HPCA: variants seen among roughly 807,000 people sequenced by gnomAD.
The protein encoded by HPCA is neuron-specific calcium-binding protein hippocalcin.
In HPCA, 4 loss-of-function variants were observed where a neutral mutation model predicts 18.2. The ratio of observed to expected loss-of-function variants is 0.22; its 90% CI spans 0.11 to 0.50. The LOEUF (loss-of-function observed/expected upper bound fraction) is 0.50, where lower values mean the gene tolerates loss of function less well. Among genes scored for constraint, HPCA ranks in the 20% least tolerant of loss-of-function variants. The pLI is 0.97. For missense variants in HPCA, 161 were observed against 265.8 expected (o/e 0.61, Z 2.74); for synonymous variants, 93 against 103.5 (o/e 0.90, Z 0.61).
rs1641518610 is a variant in HPCA at position 32,893,991 on chromosome 1, G to T, written c.*129G>T. The T allele has an allele frequency of 7.0e-6, 5 of 710,046 alleles. No homozygotes were observed. Among genetic ancestry groups the T allele is most frequent in the Non-Finnish European group, 1.2e-5 (5 of 431,986 alleles). 44.0% of individuals were successfully genotyped at this position (710,046 alleles called of 1,614,324 possible). ...CCTTCTCCCCGGGTCTGCCCTGTGG[G>T]GGGCTTCCGGAAAAGGGAACCCTGC... On this transcript the variant is annotated 3_prime_UTR_variant, in exon 4 of 4. Coordinates refer to ENST00000373467, the MANE Select transcript of HPCA (RefSeq NM_002143.3). This position sits in a 1 kb window ranked among gnomAD's most constrained non-coding sequence, Gnocchi z 7.5.
Position 32,894,569 on chromosome 1 carries a change from C to A in HPCA, c.*707C>A. 2.0e-5 allele frequency: 9 copies of A among 442,376 alleles called. No homozygotes were observed. The highest frequency in any genetic ancestry group is 3.7e-5 in the South Asian group (1 of 26,874). 27.4% of individuals were successfully genotyped at this position (442,376 alleles called of 1,614,324 possible). A position where few individuals can be genotyped will look rare whatever the true frequency, so the allele number is the denominator to read the frequency against. ...CCTGTCCTCCCCTCTGTCCCCCCAACCGCCCCCCCTGCATGCAGCCAAATG... is the reference window on the plus strand; with the variant it reads ...CCTGTCCTCCCCTCTGTCCCCCCAAACGCCCCCCCTGCATGCAGCCAAATG... On this transcript the variant is annotated 3_prime_UTR_variant, in exon 4 of 4. Coordinates refer to ENST00000373467, the MANE Select transcript of HPCA (RefSeq NM_002143.3).
In HPCA at chr1:32,892,175, GA is replaced by G. The variant is rs551666773; in HGVS notation, c.379-1348del. Reference sequence around the variant, plus strand: ...TCACCCAGCCAGGGGAGACCTGATGGAGGAGGGTCAGCAGTGGACAGATTGT... The same window carrying G: ...TCACCCAGCCAGGGGAGACCTGATGGGGAGGGTCAGCAGTGGACAGATTGT... On this transcript the variant is annotated intron_variant, in intron 2 of 3. Coordinates refer to ENST00000373467, the MANE Select transcript of HPCA (RefSeq NM_002143.3). 9.8e-5 allele frequency among the ~76,000 whole-genome samples: 15 copies of G among 152,334 alleles called. No individual in the cohort carries two copies. In the South Asian group the frequency reaches 2.7e-3, roughly 27 times the overall value.
chr1:32,889,047 A>G lies in HPCA; in HGVS notation c.149A>G (p.Lys50Arg). Residue 50 changes from lysine (K) to arginine (R), a missense_variant, in exon 2 of 4, where the codon AAG becomes AGG. Physicochemically the swap from Lys to Arg is conservative, Grantham distance 26 (BLOSUM62 2). Transcript: ENST00000373467. This position sits in a 1 kb window ranked among gnomAD's most constrained non-coding sequence, Gnocchi z 4.6. ...TGILNVDEFKKIYANFFPYGD... is the reference protein window; with the variant it reads ...TGILNVDEFKRIYANFFPYGD... The stretch of plus-strand genomic sequence containing the variant: ...ATCCTCAATGTGGATGAGTTCAAGA[A>G]GATCTACGCCAACTTCTTTCCCTAT... The G allele has an allele frequency of 6.2e-7, 1 of 1,614,224 alleles. No individual in the cohort carries two copies. The highest frequency in any genetic ancestry group is 8.5e-7 in the Non-Finnish European group (1 of 1,180,042).
rs971017062 is a variant in HPCA at position 32,889,161 on chromosome 1, C to T, written c.263C>T (p.Ala88Val). 3 of 1,614,146 alleles carry T rather than the reference C, an allele frequency of 1.9e-6. No homozygotes were observed. The highest frequency in any genetic ancestry group is 1.3e-5 in the African/African-American group (1 of 74,952). ...GTIDFREFII[A>V]LSVTSRGRLE... ...ATAGACTTTCGGGAGTTCATCATTG[C>T]GCTGAGCGTGACCTCGCGCGGCCGC... Residue 88 changes from alanine (A) to valine (V), a missense_variant, in exon 2 of 4, where the codon GCG (alanine) becomes GTG (valine). Coordinates refer to ENST00000373467, the MANE Select transcript of HPCA (RefSeq NM_002143.3). The surrounding 1 kb of genome is among the most constrained non-coding windows in gnomAD (Gnocchi z 4.6).
At chr1:32,888,767 C>A in intron 1 of HPCA, 111 bp from the exon 2 acceptor site, 2 of 1,038,124 alleles carry the variant, frequency 1.9e-6, no homozygotes, top group Non-Finnish European at 2.8e-6. Context: ...TTTCACTGGG[C>A]CAAACAAGAG....
intron 2 of HPCA, among the ~76,000 whole-genome samples, chr1:32,890,891 C>T (rs1570019792): frequency 6.6e-6 from 1 of 152,348 alleles, no homozygotes; most frequent in East Asian, 1.9e-4. Context: ...GCCATGGACT[C>T]CTGTGAGCCA....
Position 32,889,003 on chromosome 1 carries a change from C to T in HPCA, c.105C>T (p.Leu35=), listed in dbSNP as rs1000758361. 1.1e-5 allele frequency: 17 copies of T among 1,614,082 alleles called. No homozygotes were observed. Among genetic ancestry groups the T allele is most frequent in the Non-Finnish European group, 1.2e-5 (14 of 1,180,038 alleles). The change falls in exon 2 of 4, where the codon CTC becomes CTT. Residue 35 remains leucine, a synonymous_variant. Transcript: ENST00000373467. This position sits in a 1 kb window ranked among gnomAD's most constrained non-coding sequence, Gnocchi z 4.6. ...LELQEWYKGF[L]KDCPTGILNV... ...TGCAGGAGTGGTACAAGGGCTTCCTCAAGGACTGCCCCACAGGAATCCTCA... is the reference window on the plus strand; with the variant it reads ...TGCAGGAGTGGTACAAGGGCTTCCTTAAGGACTGCCCCACAGGAATCCTCA...
Position 32,894,055 on chromosome 1 carries a change from C to G in HPCA, c.*193C>G, listed in dbSNP as rs1248773296. ...CAAAGCAAGTAAGCGGTTAGCACCC[C>G]CCAATCCCAGAGGCAACAATAGAGA... On this transcript the variant is annotated 3_prime_UTR_variant, in exon 4 of 4. Coordinates refer to ENST00000373467, the MANE Select transcript of HPCA (RefSeq NM_002143.3). The G allele has an allele frequency of 5.1e-6, 3 of 584,192 alleles. No individual in the cohort carries two copies. The highest frequency in any genetic ancestry group is 3.7e-5 in the African/African-American group (2 of 53,626). 36.2% of individuals were successfully genotyped at this position (584,192 alleles called of 1,614,324 possible).
At chr1:32,886,171 CAGG>C (rs1641358580), upstream of HPCA, 1 of 152,206 alleles carries the variant, frequency 6.6e-6, no homozygotes, top group African/African-American at 2.4e-5. This position sits in a 1 kb window ranked among gnomAD's most constrained non-coding sequence, Gnocchi z 7.0. Context: ...GCCCCCGGCT[CAGG>C]AGAGAGACCT....
At position 32,893,889 on chromosome 1, in the gene HPCA, C is replaced by G. The variant is rs1557542357; in HGVS notation, c.*27C>G. The G allele has an allele frequency of 1.4e-6, 2 of 1,457,858 alleles. No individual in the cohort carries two copies. The highest frequency in any genetic ancestry group is 4.9e-5 in the East Asian group (2 of 40,496). 90.3% of individuals were successfully genotyped at this position (1,457,858 alleles called of 1,614,324 possible). On this transcript the variant is annotated 3_prime_UTR_variant, in exon 4 of 4. Transcript: ENST00000373467. This position sits in a 1 kb window ranked among gnomAD's most constrained non-coding sequence, Gnocchi z 7.5. ...AGGAGCCAGGTTCCCCTTCCTCCCT[C>G]CCTTCACCGGCCCCCTCCCGGCTCT...
At position 32,894,173 on chromosome 1, in the gene HPCA, C is replaced by G. The variant is rs1318941220; in HGVS notation, c.*311C>G. 2.8e-6 allele frequency: 1 copy of G among 360,232 alleles called. No homozygotes were observed. The highest frequency in any genetic ancestry group is 5.1e-6 in the Non-Finnish European group (1 of 197,582). 22.3% of individuals were successfully genotyped at this position (360,232 alleles called of 1,614,324 possible). On this transcript the variant is annotated 3_prime_UTR_variant, in exon 4 of 4. Coordinates refer to ENST00000373467, the MANE Select transcript of HPCA (RefSeq NM_002143.3). Reference sequence around the variant, plus strand: ...CCTCCCCCAAAGGGGCAGTCCCCTTCTTGCAGGTCTCAGCTTGCGGGGTGG... The same window carrying G: ...CCTCCCCCAAAGGGGCAGTCCCCTTGTTGCAGGTCTCAGCTTGCGGGGTGG...
In HPCA at chr1:32,889,231, C is replaced by T. The variant is rs577855084; in HGVS notation, c.333C>T (p.Asp111=). ...LMWAFSMYDL[D]GNGYISREEM... ...GGGCCTTCAGCATGTATGACCTGGA[C>T]GGCAACGGCTACATCAGCCGGGAGG... The change falls in exon 2 of 4, where the codon GAC becomes GAT. Residue 111 remains aspartate, a synonymous_variant. Coordinates refer to ENST00000373467, the MANE Select transcript of HPCA (RefSeq NM_002143.3). This position sits in a 1 kb window ranked among gnomAD's most constrained non-coding sequence, Gnocchi z 4.6. 21 of 1,614,184 alleles carry T rather than the reference C, an allele frequency of 1.3e-5. No homozygotes were observed. The highest frequency in any genetic ancestry group is 8.3e-5 in the Admixed American group (5 of 60,030).
At chr1:32,892,959 CTCATTTGCAT>C (rs1419915095) in intron 2 of HPCA, among the ~76,000 whole-genome samples, 1 of 152,290 alleles carries the variant, frequency 6.6e-6, no homozygotes, top group Non-Finnish European at 1.5e-5. Context: ...GCTGCAGATG[CTCATTTGCAT>C]TCATTTGCAT....
intron 2 of HPCA, among the ~76,000 whole-genome samples, chr1:32,890,588 A>G (rs1417069205): frequency 6.6e-6 from 1 of 152,214 alleles, no homozygotes; most frequent in Non-Finnish European, 1.5e-5. Context: ...ATTGTCTGTT[A>G]TTATTTTCTC....
chr1:32,892,221 G>A (rs1195597158), intron 2 of HPCA, among the ~76,000 whole-genome samples: 1 of 152,168 alleles, frequency 6.6e-6, no homozygotes, highest in Non-Finnish European at 1.5e-5. Flanking sequence ...TAAATCCCAA[G>A]GGCTGAATGG....
At chr1:32,890,053 T>C (rs1014513752) in intron 2 of HPCA, among the ~76,000 whole-genome samples, 7 of 152,242 alleles carry the variant, frequency 4.6e-5, no homozygotes, top group Non-Finnish European at 1.0e-4. Context: ...ACTATGAGCC[T>C]AGCATTGAGT....
Position 32,886,862 on chromosome 1 carries a change from C to T in HPCA, c.-22+347C>T, listed in dbSNP as rs1457026335. 4.6e-5 allele frequency among the ~76,000 whole-genome samples: 7 copies of T among 152,134 alleles called. No homozygotes were observed. Among genetic ancestry groups the T allele is most frequent in the African/African-American group, 1.4e-4 (6 of 41,446 alleles). On this transcript the variant is annotated intron_variant, in intron 1 of 3. Coordinates refer to ENST00000373467, the MANE Select transcript of HPCA (RefSeq NM_002143.3). The surrounding 1 kb of genome is among the most constrained non-coding windows in gnomAD (Gnocchi z 7.0). ...CCCGGGGCTGGCTTCTCAGGTCGAG[C>T]TGAGGGGGTTCTTCCCATATGGGGG...
chr1:32,891,206 C>A (rs927414177), intron 2 of HPCA, among the ~76,000 whole-genome samples: 1 of 152,242 alleles, frequency 6.6e-6, no homozygotes, highest in African/African-American at 2.4e-5. Flanking sequence ...GGCCCGGGGG[C>A]CCCAGACAGC....
In HPCA at chr1:32,893,478, G is replaced by A. The variant is rs776277238; in HGVS notation, c.379-46G>A. 7.3e-6 allele frequency: 10 copies of A among 1,372,216 alleles called. No individual in the cohort carries two copies. In the Admixed American group the frequency reaches 1.6e-4, roughly 21 times the overall value. The allele number at this position is 1,372,216 out of a possible 1,614,324, so 85.0% of individuals were successfully genotyped here. A position where few individuals can be genotyped will look rare whatever the true frequency, so the allele number is the denominator to read the frequency against. ...GCGCCTCTGAATCTTGCGGGTGGGG[G>A]CTCGGGCAGGCTCCTCTCACTCCCC... On this transcript the variant is annotated intron_variant, in intron 2 of 3. Coordinates refer to ENST00000373467, the MANE Select transcript of HPCA (RefSeq NM_002143.3). The surrounding 1 kb of genome is among the most constrained non-coding windows in gnomAD (Gnocchi z 7.5).
Sources: gnomAD v4.1 joint callset for allele counts (sites outside exome capture counted in the v4.1 genomes callset) on GRCh38, gnomAD v4.1.1 for gene constraint, Gnocchi (gnomAD v3.1) non-coding constraint, MANE v1.5 for transcripts, NCBI Gene and HGNC (gene_info 2026-07-23, HGNC 2026-07-21) for gene names.